Variants in PRKAR1A observed in about 807,000 individuals in gnomAD.
The protein encoded by PRKAR1A is cAMP-dependent protein kinase type I-alpha regulatory subunit.
In PRKAR1A, 3 loss-of-function variants were observed where a neutral mutation model predicts 52.0. The ratio of observed to expected loss-of-function variants is 0.06; its 90% CI spans 0.03 to 0.15. The LOEUF (loss-of-function observed/expected upper bound fraction) is 0.15, where lower values mean the gene tolerates loss of function less well. Ranked by LOEUF, PRKAR1A falls within the 10% of genes least tolerant of loss-of-function variation. The pLI is 1.00. For missense variants in PRKAR1A, 240 were observed against 477.4 expected (o/e 0.50, Z 4.63); for synonymous variants, 188 against 168.4 (o/e 1.12, Z -0.90).
chr17:68,512,747 C>T (rs539317717), intron 1 of PRKAR1A, 199 bp downstream of exon 1: 8 of 152,320 alleles, frequency 5.3e-5, no homozygotes, highest in African/African-American at 1.9e-4. Context: ...TCCTCAAGGC[C>T]GTCTGGGCGT....
chr17:68,482,800 G>A, the PRKAR1A span, among the ~76,000 whole-genome samples: 15 of 152,214 alleles, frequency 9.9e-5, no homozygotes, highest in Admixed American at 4.6e-4. Context: ...ATTGCCTTCA[G>A]CATATAAACT....
the PRKAR1A span, among the ~76,000 whole-genome samples, chr17:68,468,528 A>G: frequency 6.6e-6 from 1 of 152,202 alleles, no homozygotes; most frequent in Non-Finnish European, 1.5e-5. Context: ...GATGAGTGAG[A>G]ACCTCTGTTA....
At chr17:68,444,171 G>A in the PRKAR1A span, among the ~76,000 whole-genome samples, 4 of 152,254 alleles carry the variant, frequency 2.6e-5, no homozygotes, top group South Asian at 8.3e-4. Context: ...AAACAATTAG[G>A]GGTAAACACT....
intron 2 of PRKAR1A, among the ~76,000 whole-genome samples, chr17:68,516,728 TA>T (rs11379909): frequency 6.7e-6 from 1 of 149,102 alleles, no homozygotes; most frequent in Non-Finnish European, 1.5e-5. Context: ...TCAGAATAAT[TA>T]AAAAAAAAAC....
chr17:68,535,246 A>G (rs2086068050), downstream of PRKAR1A: 1 of 451,284 alleles, frequency 2.2e-6, no homozygotes, highest in Admixed American at 2.4e-5. Context: ...TTTGTTACTA[A>G]TCAAAAAGTA....
At chr17:68,418,742 AGTGAGCATTCCATCC>A in the PRKAR1A span, among the ~76,000 whole-genome samples, 4 of 152,162 alleles carry the variant, frequency 2.6e-5, no homozygotes, top group African/African-American at 4.8e-5. Flanking sequence ...TAAGAATGCC[AGTGAGCATTCCATCC>A]TACAGGGTCC....
At chr17:68,434,468 ACT>A in the PRKAR1A span, 78 of 1,370,142 alleles carry the variant, frequency 5.7e-5, no homozygotes, top group Non-Finnish European at 7.6e-5. Flanking sequence ...GCACAGAGCC[ACT>A]CTCTGTCCTC....
chr17:68,499,368 AAGAGAGAGAG>A, the PRKAR1A span, among the ~76,000 whole-genome samples: 129 of 140,492 alleles, frequency 9.2e-4, no homozygotes, highest in African/African-American at 1.5e-3. Flanking sequence ...AAGGGAGGAA[AAGAGAGAGAG>A]AGAGAGAGAG....
At chr17:68,540,689 C>T (rs1037698770) in intron 11 of PRKAR1A, 5 of 883,016 alleles carry the variant, frequency 5.7e-6, no homozygotes, top group East Asian at 2.7e-5. Context: ...GAGCCTGTTA[C>T]CTTCTGTCCT....
the PRKAR1A span, among the ~76,000 whole-genome samples, chr17:68,466,323 G>A: frequency 1.9e-4 from 29 of 151,576 alleles, no homozygotes; most frequent in Admixed American, 1.8e-3. Flanking sequence ...ACCTGCTGGA[G>A]TCCACTGTAA....
the PRKAR1A span, chr17:68,420,149 G>A: frequency 5.0e-6 from 8 of 1,606,384 alleles, no homozygotes; most frequent in Non-Finnish European, 6.8e-6. Context: ...CAGGGCAACT[G>A]TCAGGGTTAG....
At chr17:68,462,183 C>T in the PRKAR1A span, among the ~76,000 whole-genome samples, 1 of 152,104 alleles carries the variant, frequency 6.6e-6, no homozygotes, top group African/African-American at 2.4e-5. Flanking sequence ...TCATTCTCTC[C>T]CCTCACCTGT....
intron 11 of PRKAR1A, among the ~76,000 whole-genome samples, chr17:68,547,833 T>G (rs1425478775): frequency 1.3e-5 from 2 of 152,232 alleles, no homozygotes; most frequent in Non-Finnish European, 2.9e-5. Context: ...CAAGAACTTT[T>G]CCTTTGCATT....
the PRKAR1A span, among the ~76,000 whole-genome samples, chr17:68,496,373 G>C: frequency 6.6e-4 from 101 of 152,068 alleles, no homozygotes; most frequent in African/African-American, 2.2e-3. Context: ...GCAATGGCCA[G>C]ATGAGTCTTC....
the PRKAR1A span, among the ~76,000 whole-genome samples, chr17:68,444,091 C>T: frequency 6.6e-6 from 1 of 152,180 alleles, no homozygotes; most frequent in Non-Finnish European, 1.5e-5. Context: ...TTTTTGCTGG[C>T]CATGCAGACA....
the PRKAR1A span, among the ~76,000 whole-genome samples, chr17:68,473,259 T>C: frequency 6.6e-6 from 1 of 152,014 alleles, no homozygotes; most frequent in Non-Finnish European, 1.5e-5. Context: ...TAAAATTAAG[T>C]CTGGGCACAA....
chr17:68,480,782 T>A, the PRKAR1A span, among the ~76,000 whole-genome samples: 1 of 152,214 alleles, frequency 6.6e-6, no homozygotes, highest in Non-Finnish European at 1.5e-5. Flanking sequence ...ACTTCTGGAC[T>A]CAAGCAATCT....
chr17:68,486,451 C>CTCTT, the PRKAR1A span, among the ~76,000 whole-genome samples: 14 of 120,330 alleles, frequency 1.2e-4, no homozygotes, highest in Admixed American at 7.4e-4. Context: ...CCTTCCTTCC[C>CTCTT]TCTTTCTTTC....
At chr17:68,540,203 CT>C (rs2086226306) in intron 11 of PRKAR1A, among the ~76,000 whole-genome samples, 1 of 152,204 alleles carries the variant, frequency 6.6e-6, no homozygotes, top group Admixed American at 6.5e-5. Context: ...GCTTTCACCC[CT>C]GCCCCTGCCC....
Sources: gnomAD v4.1 joint callset for allele counts (sites outside exome capture counted in the v4.1 genomes callset) on GRCh38, gnomAD v4.1.1 for gene constraint, MANE v1.5 for transcripts, NCBI Gene and HGNC (gene_info 2026-07-23, HGNC 2026-07-21) for gene names.